Variants in KDM3A observed in about 807,000 individuals in gnomAD.
The protein encoded by KDM3A is lysine-specific demethylase 3A.
In KDM3A, 60 loss-of-function variants were observed where a neutral mutation model predicts 158.0. The ratio of observed to expected loss-of-function variants is 0.38; its 90% CI spans 0.31 to 0.47. The LOEUF is 0.47. Ranked by LOEUF, KDM3A falls within the 20% of genes least tolerant of loss-of-function variation. The pLI, the probability that KDM3A is intolerant of heterozygous loss-of-function variation, is 0.99. For missense variants in KDM3A, 1,319 were observed against 1,574.3 expected, an observed-to-expected ratio of 0.84 and a Z score of 2.74; for synonymous variants, 608 against 549.3, an observed-to-expected ratio of 1.11 and a Z score of -1.49.
rs183297909 is a variant in KDM3A, at chr2:86,460,082, A to G, written c.843+3011A>G. 4.6e-3 allele frequency among the ~76,000 whole-genome samples: 695 copies of G among 152,312 alleles called. 11 individuals are homozygous for G. The South Asian group carries it at 0.05, about 11-fold the overall frequency. On this transcript the variant is annotated intron_variant, in intron 8 of 25. Coordinates refer to ENST00000312912, the MANE Select transcript of KDM3A (RefSeq NM_018433.6). ...AAATTTTTGGTTAACCTAGAAAAGT[A>G]TAGTAAAGAATAGAATCATCACTTG...
chr2:86,456,808 C>A lies in KDM3A; in HGVS notation c.685C>A (p.Pro229Thr), dbSNP rs771282025. 9.3e-6 allele frequency: 15 copies of A among 1,608,176 alleles called. No homozygotes were observed. Among genetic ancestry groups the A allele is most frequent in the Non-Finnish European group, 1.3e-5 (15 of 1,175,506 alleles). The change falls in exon 7 of 26, where the codon CCA (proline) becomes ACA (threonine). Residue 229 changes from proline (P) to threonine (T), a missense_variant. This residue lies in a region of KDM3A where 652 missense variants were observed against 627.2 expected (regional missense o/e 1.04). Transcript: ENST00000312912. The part of the protein sequence containing the change: ...KTLQVNCEEI[P>T]ALKIVDPSLI... ...CTTTGTTTCATTTATTTTTAAGATTCCAGCACTGAAAATTGTTGATCCGTC... is the reference window on the plus strand; with the variant it reads ...CTTTGTTTCATTTATTTTTAAGATTACAGCACTGAAAATTGTTGATCCGTC...
At chr2:86,468,028 AAAAC>A (rs1424740878) in intron 10 of KDM3A, among the ~76,000 whole-genome samples, 10 of 152,198 alleles carry the variant, frequency 6.6e-5, no homozygotes, top group African/African-American at 1.9e-4. Flanking sequence ...CTTGGCTCAA[AAAAC>A]AAACAAACGA....
chr2:86,449,679 AGG>A, intron 2 of KDM3A, 126 bp from the exon 3 acceptor site: 1 of 1,003,114 alleles, frequency 1.0e-6, no homozygotes, highest in Non-Finnish European at 1.4e-6. Flanking sequence ...GGGAGCTGGA[AGG>A]GGGAAAGCAC....
chr2:86,491,305 TTGGCTA>T (rs1674445159), intron 25 of KDM3A, 30 bp downstream of exon 25: 1 of 1,609,580 alleles, frequency 6.2e-7, no homozygotes, highest in Non-Finnish European at 8.5e-7. Context: ...CTAGCATTCT[TTGGCTA>T]TGGCTATGGC....
intron 2 of KDM3A, 186 bp downstream of exon 2, chr2:86,442,419 A>G (rs1340887076): frequency 3.4e-6 from 2 of 592,924 alleles, no homozygotes; most frequent in Non-Finnish European, 5.9e-6. Context: ...TGTTTGGCCC[A>G]CAGCTCCTGG....
Position 86,470,262 on chromosome 2 carries a change from T to C in KDM3A, c.1578T>C (p.Ser526=). 6.2e-7 allele frequency: 1 copy of C among 1,614,044 alleles called. No homozygotes were observed. Among genetic ancestry groups the C allele is most frequent in the Non-Finnish European group, 8.5e-7 (1 of 1,179,990 alleles). Residue 526 remains serine (S), a synonymous_variant, in exon 11 of 26, where the codon AGT becomes AGC. Coordinates refer to ENST00000312912, the MANE Select transcript of KDM3A (RefSeq NM_018433.6). ...DPAKLKKLQQ[S]GEAFVQDDSC... ...CTAAACTCAAAAAGCTGCAACAGAG[T>C]GGCGAGGCCTTCGTACAGGATGATT...
Position 86,456,548 on chromosome 2 carries a change from T to TC in KDM3A, c.664dup (p.Gln222ProfsTer5). 1 of 1,609,116 alleles carries TC rather than the reference T, an allele frequency of 6.2e-7. No individual in the cohort carries two copies. Among genetic ancestry groups the TC allele is most frequent in the Non-Finnish European group, 8.5e-7 (1 of 1,178,030 alleles). ...ATGGAAACCCAGCATCAAAAACTCT[T>TC]CAAGTCAACTGTGAGGAGGTAAAGA... On this transcript the variant is annotated frameshift_variant, in exon 6 of 26. Transcript: ENST00000312912. LOFTEE classifies it high-confidence loss of function.
chr2:86,465,449 G>A (rs1467863549), intron 9 of KDM3A, among the ~76,000 whole-genome samples: 5 of 152,128 alleles, frequency 3.3e-5, no homozygotes, highest in African/African-American at 1.2e-4. Context: ...AGGAGGGAGT[G>A]CAGTTGCAGT....
At position 86,470,376 on chromosome 2, in the gene KDM3A, A is replaced by C. The variant is rs759023417; in HGVS notation, c.1692A>C (p.Ser564=). 6.2e-7 allele frequency: 1 copy of C among 1,614,108 alleles called. No homozygotes were observed. The highest frequency in any genetic ancestry group is 2.2e-5 in the East Asian group (1 of 44,882). Residue 564 remains serine, a synonymous_variant, in exon 11 of 26, where the codon TCA becomes TCC. Coordinates refer to ENST00000312912, the MANE Select transcript of KDM3A (RefSeq NM_018433.6). ...LRKDKEQQKD[S]PVFCRFFHFR... ...AGGATAAGGAGCAACAGAAGGACTC[A>C]CCTGTGTTTTGCCGCTTCTTTCACT...
intron 12 of KDM3A, among the ~76,000 whole-genome samples, chr2:86,475,218 A>G (rs1348254760): frequency 6.6e-6 from 1 of 151,998 alleles, no homozygotes; most frequent in South Asian, 2.1e-4. Flanking sequence ...CTTTTTTGTT[A>G]GGAAAGGTGA....
intron 4 of KDM3A, among the ~76,000 whole-genome samples, chr2:86,452,713 T>G (rs1396949367): frequency 6.6e-6 from 1 of 152,182 alleles, no homozygotes; most frequent in Non-Finnish European, 1.5e-5. Context: ...TAAAAGTAGT[T>G]TGGGGTCAGT....
intron 4 of KDM3A, among the ~76,000 whole-genome samples, chr2:86,453,911 T>C (rs1672578730): frequency 6.6e-6 from 1 of 152,220 alleles, no homozygotes; most frequent in Admixed American, 6.5e-5. Context: ...GGCTTCTGTG[T>C]TGAGCACTGT....
intron 1 of KDM3A, 177 bp downstream of exon 1, chr2:86,441,621 CG>C (rs1012626440): frequency 6.7e-6 from 1 of 150,194 alleles, no homozygotes; most frequent in Admixed American, 6.6e-5. Context: ...ATCGCGGGCT[CG>C]CCCACCCTCC....
At position 86,441,449 on chromosome 2, in the gene KDM3A, G is replaced by A. The variant is rs2104611845; in HGVS notation, c.-31+5G>A. ...CTCAGGGAGGCGGGAGGCGGGGTAA[G>A]AGCGCCGCGGCCTCGGCTGCGGGGA... On this transcript the variant is annotated splice_donor_5th_base_variant and intron_variant, in intron 1 of 25. Coordinates refer to ENST00000312912, the MANE Select transcript of KDM3A (RefSeq NM_018433.6). 6.6e-6 allele frequency: 1 copy of A among 152,412 alleles called. No homozygotes were observed. Among genetic ancestry groups the A allele is most frequent in the East Asian group, 1.9e-4 (1 of 5,150 alleles). 9.4% of individuals were successfully genotyped at this position (152,412 alleles called of 1,614,324 possible).
intron 10 of KDM3A, among the ~76,000 whole-genome samples, chr2:86,469,443 C>G (rs930319335): frequency 6.6e-6 from 1 of 152,172 alleles, no homozygotes; most frequent in Non-Finnish European, 1.5e-5. Flanking sequence ...CAAATGGATT[C>G]CTTACTTTGT....
intron 2 of KDM3A, among the ~76,000 whole-genome samples, chr2:86,444,265 T>A (rs1682863606): frequency 6.6e-6 from 1 of 152,204 alleles, no homozygotes; most frequent in South Asian, 2.1e-4. Context: ...CAGTGTCTTC[T>A]CCACTGCACT....
At chr2:86,491,349 G>A in intron 25 of KDM3A, 74 bp downstream of exon 25, 2 of 1,484,262 alleles carry the variant, frequency 1.3e-6, no homozygotes, top group South Asian at 2.3e-5. Context: ...ACCTTATAAA[G>A]AGAGTCAGTG....
chr2:86,441,976 C>T (rs1210899591), intron 1 of KDM3A, 42 bp from the exon 2 acceptor site: 2 of 1,554,110 alleles, frequency 1.3e-6, no homozygotes, highest in African/African-American at 2.7e-5. Context: ...GGCCCCCTCC[C>T]ACCGGCCGCC....
At position 86,464,974 on chromosome 2, in the gene KDM3A, G is replaced by A. The variant is rs528592671; in HGVS notation, c.1007+758G>A. Among the ~76,000 whole-genome samples the A allele has an allele frequency of 3.9e-5, 6 of 152,330 alleles. No homozygotes were observed. The South Asian group carries it at 8.3e-4, about 21-fold the overall frequency. On this transcript the variant is annotated intron_variant, in intron 9 of 25. Transcript: ENST00000312912. The stretch of plus-strand genomic sequence containing the variant: ...GAGCTTGGAGGATGGCCATGTGGCA[G>A]TCAGACAGGAGGAGGAGCAGTCTTC...
Sources: gnomAD v4.1 joint callset for allele counts (sites outside exome capture counted in the v4.1 genomes callset) on GRCh38, gnomAD v4.1.1 for gene constraint, gnomAD v4.1.1 regional missense constraint, MANE v1.5 for transcripts, NCBI Gene and HGNC (gene_info 2026-07-23, HGNC 2026-07-21) for gene names.